The following SLC12A7 variants were observed in gnomAD, a reference collection of about 807,000 sequenced individuals.
The protein encoded by SLC12A7 is solute carrier family 12 member 7, also known as K-Cl cotransporter 4.
SLC12A7 carries 100 observed loss-of-function variants against 120.6 expected under a neutral mutation model. That is an observed-to-expected ratio of 0.83 (90% CI 0.71 to 0.98). The LOEUF is 0.98. SLC12A7 is among the 50% of genes least tolerant of loss of function. The probability of loss-of-function intolerance (pLI) is 0.00; values close to 1 mark genes in which losing one functional copy is unlikely to be tolerated. For missense variants in SLC12A7, 1,373 were observed against 1,548.1 expected, an observed-to-expected ratio of 0.89 and a Z score of 1.90; for synonymous variants, 760 against 678.0, an observed-to-expected ratio of 1.12 and a Z score of -1.88.
intron 8 of SLC12A7, 49 bp from the exon 9 acceptor site, chr5:1,081,793 G>GC: frequency 1.9e-6 from 3 of 1,565,986 alleles, no homozygotes; most frequent in Non-Finnish European, 2.6e-6. Context: ...TCTGTGCAGT[G>GC]CCCCCGCCAT....
At chr5:1,092,841 C>T (rs1280064698) in intron 3 of SLC12A7, among the ~76,000 whole-genome samples, 5 of 152,252 alleles carry the variant, frequency 3.3e-5, no homozygotes, top group Middle Eastern at 3.4e-3. Flanking sequence ...ACCCCCACAG[C>T]GAGGACCTAA....
the SLC12A7 span, among the ~76,000 whole-genome samples, chr5:1,144,250 G>A: frequency 2.0e-5 from 3 of 152,196 alleles, no homozygotes; most frequent in East Asian, 1.9e-4. Context: ...AGAGGATGGT[G>A]TCTGGGGCTT....
Position 1,060,989 on chromosome 5 carries a change from G to GTGGGA in SLC12A7, c.2740-539_2740-538insTCCCA, listed in dbSNP as rs1561034434. Reference sequence around the variant, plus strand: ...GTGGGACTGCTGCGTCTCACCCACTGCACCTGCCGTGCAGGATCCCTGAGT... The same window carrying GTGGGA: ...GTGGGACTGCTGCGTCTCACCCACTGTGGGACACCTGCCGTGCAGGATCCCTGAGT... On this transcript the variant is annotated intron_variant, in intron 20 of 23. Transcript: ENST00000264930. 1.9e-3 allele frequency among the ~76,000 whole-genome samples: 262 copies of GTGGGA among 135,506 alleles called. 3 individuals carry two copies. The highest frequency in any genetic ancestry group is 7.2e-3 in the African/African-American group (241 of 33,360). 88.9% of individuals were successfully genotyped at this position (135,506 alleles called of 152,430 possible).
At chr5:1,131,655 C>T in the SLC12A7 span, among the ~76,000 whole-genome samples, 4 of 152,220 alleles carry the variant, frequency 2.6e-5, no homozygotes, top group Non-Finnish European at 4.4e-5. Flanking sequence ...CCCCAGAATC[C>T]ACCCTGGAAC....
At chr5:1,056,471 G>A (rs10070355) in intron 22 of SLC12A7, 6,505 of 441,632 alleles carry the variant, frequency 0.015, 404 homozygotes, top group African/African-American at 0.13. Context: ...CACCGTGCAC[G>A]GGGCAGGCAC....
chr5:1,124,371 T>A, the SLC12A7 span, among the ~76,000 whole-genome samples: 2 of 152,164 alleles, frequency 1.3e-5, no homozygotes, highest in African/African-American at 2.4e-5. Context: ...CTGCGTGCAG[T>A]GGTCAAAGAA....
At position 1,087,130 on chromosome 5, in the gene SLC12A7, GTC is replaced by G. The variant is rs199560864; in HGVS notation, c.545-99_545-98del. The G allele has an allele frequency of 7.4e-3, 10,745 of 1,444,944 alleles. 404 individuals are homozygous for G. In the African/African-American group the frequency reaches 0.1, roughly 14 times the overall value. The allele number at this position is 1,444,944 out of a possible 1,614,324, so 89.5% of individuals were successfully genotyped here. A position where few individuals can be genotyped will look rare whatever the true frequency, so the allele number is the denominator to read the frequency against. The stretch of plus-strand genomic sequence containing the variant: ...GCCATTCACGGGCAAAGGAGGGCCT[GTC>G]TCTGCGAAGGCAGCGTGTAGACCCT... On this transcript the variant is annotated intron_variant, in intron 5 of 23. Transcript: ENST00000264930.
intron 1 of SLC12A7, among the ~76,000 whole-genome samples, chr5:1,095,054 GCCGGTAGGAGGT>G (rs1740983027): frequency 2.9e-5 from 4 of 139,824 alleles, no homozygotes; most frequent in Non-Finnish European, 3.3e-5. Context: ...AGGAGGCGGG[GCCGGTAGGAGGT>G]GGGGCCCGTA....
intron 18 of SLC12A7, among the ~76,000 whole-genome samples, 156 bp from the exon 19 acceptor site, chr5:1,064,408 G>T (rs934970097): frequency 6.6e-6 from 1 of 152,252 alleles, no homozygotes; most frequent in African/African-American, 2.4e-5. Context: ...CCAAGGACCA[G>T]CCAGAGACTC....
At chr5:1,068,687 C>T (rs1339663785) in intron 17 of SLC12A7, among the ~76,000 whole-genome samples, 1 of 149,850 alleles carries the variant, frequency 6.7e-6, no homozygotes, top group African/African-American at 2.5e-5. Context: ...AGAGCGGGCT[C>T]CTGTCTGAGG....
chr5:1,108,029 T>TACACACATACACACACACACACACAC (rs1554024188), intron 1 of SLC12A7, among the ~76,000 whole-genome samples: 11 of 151,378 alleles, frequency 7.3e-5, no homozygotes, highest in African/African-American at 2.7e-4. Context: ...AACACACACA[T>TACACACATACACACACACACACACAC]ACACACACAC....
chr5:1,074,108 G>A (rs1004648295), intron 16 of SLC12A7, among the ~76,000 whole-genome samples: 1 of 152,158 alleles, frequency 6.6e-6, no homozygotes, highest in Non-Finnish European at 1.5e-5. Context: ...GGTGGGACAG[G>A]TGACATGCTA....
chr5:1,139,209 A>G, the SLC12A7 span, among the ~76,000 whole-genome samples: 1 of 152,210 alleles, frequency 6.6e-6, no homozygotes, highest in Non-Finnish European at 1.5e-5. Context: ...AGGAAGGGGG[A>G]AAGTGTGAGC....
intron 7 of SLC12A7, among the ~76,000 whole-genome samples, chr5:1,084,315 T>C (rs1189388572): frequency 6.6e-5 from 10 of 152,184 alleles, no homozygotes; most frequent in Non-Finnish European, 1.0e-4. Context: ...TCACACGTTT[T>C]CCACCGCGCG....
chr5:1,154,926 C>T, the SLC12A7 span, among the ~76,000 whole-genome samples: 1 of 152,230 alleles, frequency 6.6e-6, no homozygotes, highest in Admixed American at 6.5e-5. Flanking sequence ...TCAGGGACAT[C>T]TGTCCTCGGG....
At chr5:1,150,891 G>A in the SLC12A7 span, among the ~76,000 whole-genome samples, 2 of 152,260 alleles carry the variant, frequency 1.3e-5, no homozygotes, top group African/African-American at 4.8e-5. Context: ...AGGAGGGCAC[G>A]CAGAAGCAGC....
At chr5:1,060,105 C>T (rs977613805) in intron 21 of SLC12A7, among the ~76,000 whole-genome samples, 2 of 152,224 alleles carry the variant, frequency 1.3e-5, no homozygotes, top group African/African-American at 4.8e-5. Flanking sequence ...GGCTGCCGTT[C>T]CTCTAACCAG....
At chr5:1,128,693 C>G in the SLC12A7 span, among the ~76,000 whole-genome samples, 1 of 152,244 alleles carries the variant, frequency 6.6e-6, no homozygotes, top group Non-Finnish European at 1.5e-5. Flanking sequence ...CCAGTCCTGA[C>G]AGGCTGCAGC....
chr5:1,098,148 C>A (rs1259215167), intron 1 of SLC12A7, among the ~76,000 whole-genome samples: 1 of 96,514 alleles, frequency 1.0e-5, no homozygotes, highest in Non-Finnish European at 2.0e-5. Flanking sequence ...CCCCCACAAC[C>A]CTCTGCAAGC....
Sources: gnomAD v4.1 joint callset for allele counts (sites outside exome capture counted in the v4.1 genomes callset) on GRCh38, gnomAD v4.1.1 for gene constraint, MANE v1.5 for transcripts, NCBI Gene and HGNC (gene_info 2026-07-23, HGNC 2026-07-21) for gene names.